Variants in GARRE1 observed in about 807,000 individuals in gnomAD.
The protein encoded by GARRE1 is granule associated Rac and RHOG effector protein 1.
A neutral mutation model predicts 103.2 loss-of-function variants in GARRE1; 49 were observed. The ratio of observed to expected loss-of-function variants is 0.47; its 90% CI spans 0.38 to 0.60. The LOEUF is 0.60. Among genes scored for constraint, GARRE1 ranks in the 20% least tolerant of loss-of-function variants. GARRE1 has a pLI of 0.00. For synonymous variants in GARRE1, 505 were observed against 532.8 expected (o/e 0.95, Z 0.72); for missense variants, 1,199 against 1,370.5 (o/e 0.87, Z 1.98).
intron 1 of GARRE1, among the ~76,000 whole-genome samples, chr19:34,278,467 A>T (rs2073831173): frequency 7.6e-6 from 1 of 131,916 alleles, no homozygotes; most frequent in Non-Finnish European, 1.6e-5. Context: ...AAAAAAAAAA[A>T]GTCTTGCCTA....
intron 1 of GARRE1, among the ~76,000 whole-genome samples, chr19:34,261,499 G>A (rs1182659367): frequency 6.6e-6 from 1 of 152,152 alleles, no homozygotes; most frequent in Non-Finnish European, 1.5e-5. Flanking sequence ...ACACTGGGAA[G>A]TAATGACAGA....
chr19:34,279,410 A>C (rs1311565022), intron 1 of GARRE1, among the ~76,000 whole-genome samples: 2 of 150,636 alleles, frequency 1.3e-5, no homozygotes, highest in African/African-American at 4.9e-5. Context: ...GGCTCAGGTG[A>C]TCCTCCCACC....
At chr19:34,325,786 C>T (rs1265572873) in intron 3 of GARRE1, among the ~76,000 whole-genome samples, 1 of 152,226 alleles carries the variant, frequency 6.6e-6, no homozygotes, top group Non-Finnish European at 1.5e-5. Flanking sequence ...TGCCCTCGCT[C>T]ACTGGGCTCT....
Position 34,352,272 on chromosome 19 carries a change from T to C in GARRE1, c.2905-375T>C, listed in dbSNP as rs544643436. ...CAAAAATTAGCCAGGCATGGTGGCA[T>C]GCGCTTGTAATCCGAGCTACTCAGA... On this transcript the variant is annotated intron_variant, in intron 13 of 13. Transcript: ENST00000299505. 2.6e-5 allele frequency among the ~76,000 whole-genome samples: 4 copies of C among 151,786 alleles called. No individual in the cohort carries two copies. The South Asian group carries it at 8.3e-4, about 32-fold the overall frequency.
chr19:34,297,450 G>A (rs2073953450), intron 1 of GARRE1, among the ~76,000 whole-genome samples: 1 of 152,146 alleles, frequency 6.6e-6, no homozygotes, highest in Non-Finnish European at 1.5e-5. Context: ...AAGCATATAG[G>A]TCTCACTTGG....
chr19:34,309,077 T>TA (rs35384665), intron 2 of GARRE1, among the ~76,000 whole-genome samples: 57,416 of 147,254 alleles, frequency 0.39, 13,875 homozygotes, highest in Non-Finnish European at 0.55. Flanking sequence ...TCTCCCTCTT[T>TA]AAAAAAAAAA....
intron 1 of GARRE1, among the ~76,000 whole-genome samples, chr19:34,283,067 C>G (rs2073864583): frequency 6.6e-6 from 1 of 152,160 alleles, no homozygotes; most frequent in Non-Finnish European, 1.5e-5. Context: ...AGTGCACTTG[C>G]CTGTTTAGCC....
intron 1 of GARRE1, among the ~76,000 whole-genome samples, chr19:34,294,813 A>C (rs996911739): frequency 1.3e-5 from 2 of 152,094 alleles, no homozygotes; most frequent in Non-Finnish European, 2.9e-5. Flanking sequence ...AGCTGGGACT[A>C]TGGGTGGGCA....
intron 1 of GARRE1, among the ~76,000 whole-genome samples, chr19:34,294,808 G>T (rs1445893151): frequency 1.3e-5 from 2 of 152,022 alleles, no homozygotes; most frequent in Non-Finnish European, 2.9e-5. Flanking sequence ...TGAGTAGCTG[G>T]GACTATGGGT....
At position 34,320,020 on chromosome 19, in the gene GARRE1, A is replaced by G. The variant is rs146969264; in HGVS notation, c.609A>G (p.Pro203=). 40 of 1,614,124 alleles carry G rather than the reference A, an allele frequency of 2.5e-5. No individual in the cohort carries two copies. Among genetic ancestry groups the G allele is most frequent in the Non-Finnish European group, 3.4e-5 (40 of 1,180,064 alleles). ...AHSCFAEVIV[P]EKKNSGSGGG... ...CTTGCTTTGCTGAGGTCATCGTGCC[A>G]GAAAAAAAGAACAGCGGCAGTGGCG... Residue 203 remains proline, a synonymous_variant, in exon 3 of 14, where the codon CCA becomes CCG. Coordinates refer to ENST00000299505, the MANE Select transcript of GARRE1 (RefSeq NM_014686.5).
At chr19:34,312,884 G>A (rs1457784970) in intron 2 of GARRE1, among the ~76,000 whole-genome samples, 2 of 152,106 alleles carry the variant, frequency 1.3e-5, no homozygotes, top group African/African-American at 4.8e-5. Flanking sequence ...CCAAGATCGT[G>A]CCATTGCACT....
chr19:34,305,513 A>G (rs2074003677), intron 2 of GARRE1, among the ~76,000 whole-genome samples: 1 of 152,194 alleles, frequency 6.6e-6, no homozygotes, highest in Non-Finnish European at 1.5e-5. Context: ...AAAGGCTTTT[A>G]TTTTAACCTG....
chr19:34,345,324 T>A (rs138025654), intron 10 of GARRE1, among the ~76,000 whole-genome samples: 75 of 152,342 alleles, frequency 4.9e-4, no homozygotes, highest in East Asian at 1.2e-3. Flanking sequence ...CTTGGGTGGA[T>A]GGATGTAGGA....
intron 1 of GARRE1, among the ~76,000 whole-genome samples, 180 bp from the exon 2 acceptor site, chr19:34,299,499 G>A (rs2145239958): frequency 6.6e-6 from 1 of 152,244 alleles, no homozygotes; most frequent in African/African-American, 2.4e-5. Flanking sequence ...TACTACTTGA[G>A]GAATTTTCTA....
chr19:34,284,325 G>C (rs2070961154), intron 1 of GARRE1, among the ~76,000 whole-genome samples: 1 of 151,766 alleles, frequency 6.6e-6, no homozygotes, highest in Non-Finnish European at 1.5e-5. Context: ...GGGTTTCACT[G>C]TGTTGGCCAG....
chr19:34,324,413 T>TCACACC (rs2145264400), intron 3 of GARRE1, among the ~76,000 whole-genome samples: 1 of 152,160 alleles, frequency 6.6e-6, no homozygotes, highest in East Asian at 1.9e-4. Context: ...ATAGAACATT[T>TCACACC]CACACCCATC....
chr19:34,256,880 T>A (rs1408409930), intron 1 of GARRE1, among the ~76,000 whole-genome samples: 1 of 152,190 alleles, frequency 6.6e-6, no homozygotes. Flanking sequence ...ATTTCATGTT[T>A]GAGATTTTTT....
chr19:34,303,213 A>G (rs909987611), intron 2 of GARRE1, among the ~76,000 whole-genome samples: 1 of 152,198 alleles, frequency 6.6e-6, no homozygotes, highest in African/African-American at 2.4e-5. Context: ...TTTAAAAATT[A>G]CTTTTAGCTG....
At chr19:34,330,554 A>G (rs2074132628) in intron 7 of GARRE1, among the ~76,000 whole-genome samples, 1 of 152,168 alleles carries the variant, frequency 6.6e-6, no homozygotes, top group South Asian at 2.1e-4. Context: ...GATAATATAT[A>G]TTTGCAGGGA....
Sources: gnomAD v4.1 joint callset for allele counts (sites outside exome capture counted in the v4.1 genomes callset) on GRCh38, gnomAD v4.1.1 for gene constraint, MANE v1.5 for transcripts, NCBI Gene and HGNC (gene_info 2026-07-23, HGNC 2026-07-21) for gene names.